EIF3M: variants seen among roughly 807,000 people sequenced by gnomAD.
EIF3M encodes the protein B5 receptor.
EIF3M carries 25 observed loss-of-function variants against 49.7 expected under a neutral mutation model. That is an observed-to-expected ratio of 0.50 (90% CI 0.37 to 0.70). The LOEUF (loss-of-function observed/expected upper bound fraction) is 0.70, where lower values mean the gene tolerates loss of function less well. Among genes scored for constraint, EIF3M ranks in the 30% least tolerant of loss-of-function variants. EIF3M has a pLI of 0.00. For missense variants in EIF3M, 350 were observed against 440.0 expected (o/e 0.80, Z 1.83); for synonymous variants, 156 against 149.8 (o/e 1.04, Z -0.30).
In EIF3M at chr11:32,583,933, T is replaced by A. The variant is rs750687108; in HGVS notation, c.42+4T>A. The A allele has an allele frequency of 3.1e-6, 5 of 1,612,166 alleles. No individual in the cohort carries two copies. In the Admixed American group the frequency reaches 5.0e-5, roughly 16 times the overall value. ...CGACATCAGTGAAGAAGATCAGGTG[T>A]GCTTCGGTCTACGGGTGCCGCCACG... On this transcript the variant is annotated splice_donor_region_variant and intron_variant, in intron 1 of 10. Coordinates refer to ENST00000531120, the MANE Select transcript of EIF3M (RefSeq NM_006360.6).
chr11:32,590,689 TGTTGAGAGTTG>T (rs1565047530), intron 5 of EIF3M, among the ~76,000 whole-genome samples: 1 of 152,210 alleles, frequency 6.6e-6, no homozygotes. Flanking sequence ...CCAATCTAAA[TGTTGAGAGTTG>T]GTTTTCTTCT....
intron 7 of EIF3M, 117 bp from the exon 8 acceptor site, chr11:32,595,849 C>A: frequency 1.3e-6 from 1 of 743,822 alleles, no homozygotes; most frequent in South Asian, 1.9e-5. Flanking sequence ...ATATTTCTGC[C>A]TTGAACAAAA....
At chr11:32,601,875 A>T in intron 10 of EIF3M, 53 bp downstream of exon 10, 1 of 1,569,922 alleles carries the variant, frequency 6.4e-7, no homozygotes, top group Non-Finnish European at 8.7e-7. Context: ...GTTTGTTCCG[A>T]TTATTTCACT....
At chr11:32,594,176 G>T (rs891312750) in intron 6 of EIF3M, 3 of 331,830 alleles carry the variant, frequency 9.0e-6, no homozygotes, top group Non-Finnish European at 1.6e-5. Flanking sequence ...TGGCGGGGGG[G>T]GTATTGCTGG....
rs977814489 is a variant in EIF3M, at chr11:32,584,179, T to G, written c.42+250T>G. ...CCTGGTCGGCGTCGGGACTCATTTC[T>G]GACGACATAGTACTTTTAGACTGAT... On this transcript the variant is annotated intron_variant, in intron 1 of 10. Coordinates refer to ENST00000531120, the MANE Select transcript of EIF3M (RefSeq NM_006360.6). The G allele has an allele frequency of 5.2e-6, 3 of 575,524 alleles. No individual in the cohort carries two copies. The African/African-American group carries it at 5.8e-5, about 11-fold the overall frequency. 35.7% of individuals were successfully genotyped at this position (575,524 alleles called of 1,614,324 possible). A position where few individuals can be genotyped will look rare whatever the true frequency, so the allele number is the denominator to read the frequency against.
chr11:32,590,881 T>C (rs1055480243), intron 5 of EIF3M, among the ~76,000 whole-genome samples: 4 of 151,968 alleles, frequency 2.6e-5, no homozygotes, highest in African/African-American at 9.7e-5. Flanking sequence ...GATGGAGTCT[T>C]GCTCTGTCGC....
intron 8 of EIF3M, among the ~76,000 whole-genome samples, chr11:32,597,926 C>T (rs1165822434): frequency 6.6e-6 from 1 of 152,034 alleles, no homozygotes; most frequent in Non-Finnish European, 1.5e-5. Flanking sequence ...TGCTTGTCAC[C>T]TGTAAATTGT....
At position 32,587,159 on chromosome 11, in the gene EIF3M, T is replaced by C. The variant is rs140651663; in HGVS notation, c.175+15T>C. 2.2e-4 allele frequency: 336 copies of C among 1,548,088 alleles called. 2 individuals carry two copies. The African/African-American group carries it at 4.5e-3, about 21-fold the overall frequency. On this transcript the variant is annotated intron_variant, in intron 2 of 10. Coordinates refer to ENST00000531120, the MANE Select transcript of EIF3M (RefSeq NM_006360.6). ...GGATGATAAAGGTTTGTTTTTAATT[T>C]TTTTCTAATATTTCCTAATAAAATC...
At chr11:32,598,176 C>A (rs553623804) in intron 8 of EIF3M, among the ~76,000 whole-genome samples, 2 of 152,246 alleles carry the variant, frequency 1.3e-5, no homozygotes, top group Admixed American at 1.3e-4. Context: ...GTAATTAACA[C>A]TTTGACACTC....
In EIF3M at chr11:32,602,932, C is replaced by T; in HGVS notation, c.*533C>T. 1 of 1,613,400 alleles carries T rather than the reference C, an allele frequency of 6.2e-7. No homozygotes were observed. The highest frequency in any genetic ancestry group is 8.5e-7 in the Non-Finnish European group (1 of 1,179,594). On this transcript the variant is annotated 3_prime_UTR_variant, in exon 11 of 11. Transcript: ENST00000531120. The stretch of plus-strand genomic sequence containing the variant: ...TAGTTGATTCGTAATGAGGCTCTGC[C>T]AGTCATCATCACCAGAAGTATTTTT...
At chr11:32,596,457 C>T (rs201859) in intron 8 of EIF3M, among the ~76,000 whole-genome samples, 18 of 151,834 alleles carry the variant, frequency 1.2e-4, no homozygotes, top group African/African-American at 4.1e-4. Flanking sequence ...TAGCCGGGCG[C>T]GGTGGCGGGT....
chr11:32,594,706 A>T (rs1855153114), intron 6 of EIF3M: 1 of 396,184 alleles, frequency 2.5e-6, no homozygotes, highest in Non-Finnish European at 4.5e-6. Flanking sequence ...TTTTATCTAC[A>T]ATTAATATAT....
chr11:32,600,336 A>G (rs1349066747), intron 8 of EIF3M, among the ~76,000 whole-genome samples: 1 of 151,648 alleles, frequency 6.6e-6, no homozygotes, highest in African/African-American at 2.4e-5. Flanking sequence ...CTAAATAGAA[A>G]TTGTTCTTAT....
Position 32,605,717 on chromosome 11 carries a change from A to G in EIF3M, c.*3318A>G, listed in dbSNP as rs771998408. ...GATTGGCTTTAGAGAAACAAGATAC[A>G]GTGTAGATTAGCTAATGTTTGCGCT... On this transcript the variant is annotated 3_prime_UTR_variant, in exon 11 of 11. Transcript: ENST00000531120. 1 of 152,208 alleles carries G rather than the reference A, an allele frequency of 6.6e-6. No individual in the cohort carries two copies. The highest frequency in any genetic ancestry group is 1.5e-5 in the Non-Finnish European group (1 of 68,034). The allele number at this position is 152,208 out of a possible 1,614,324, so 9.4% of individuals were successfully genotyped here. A position where few individuals can be genotyped will look rare whatever the true frequency, so the allele number is the denominator to read the frequency against.
In EIF3M at chr11:32,602,206, A is replaced by C. The variant is rs1184155974; in HGVS notation, c.1005-73A>C. Reference sequence around the variant, plus strand: ...TAATCTTGCTTTTAACTGGATTCAAATCTGTAGTATTATAAAAGAATACCA... The same window carrying C: ...TAATCTTGCTTTTAACTGGATTCAACTCTGTAGTATTATAAAAGAATACCA... On this transcript the variant is annotated intron_variant, in intron 10 of 10. Coordinates refer to ENST00000531120, the MANE Select transcript of EIF3M (RefSeq NM_006360.6). The C allele has an allele frequency of 3.8e-6, 6 of 1,571,276 alleles. No individual in the cohort carries two copies. The East Asian group carries it at 1.4e-4, about 35-fold the overall frequency.
rs184975960 is a variant in EIF3M at position 32,589,238 on chromosome 11, G to A, written c.438+103G>A. 284 of 1,497,638 alleles carry A rather than the reference G, an allele frequency of 1.9e-4. No homozygotes were observed. The African/African-American group carries it at 3.3e-3, about 17-fold the overall frequency. The allele number at this position is 1,497,638 out of a possible 1,614,324, so 92.8% of individuals were successfully genotyped here. A position where few individuals can be genotyped will look rare whatever the true frequency, so the allele number is the denominator to read the frequency against. ...GTTGCCCAGGCTGGAGTGCAATGGCGCAATCTCAGCTCACCGCAACCTCCG... is the reference window on the plus strand; with the variant it reads ...GTTGCCCAGGCTGGAGTGCAATGGCACAATCTCAGCTCACCGCAACCTCCG... On this transcript the variant is annotated intron_variant, in intron 4 of 10. Coordinates refer to ENST00000531120, the MANE Select transcript of EIF3M (RefSeq NM_006360.6).
At chr11:32,593,767 G>T (rs1025765305) in intron 5 of EIF3M, 99 bp from the exon 6 acceptor site, 3 of 741,710 alleles carry the variant, frequency 4.0e-6, no homozygotes, top group Non-Finnish European at 3.9e-6. Context: ...CTTAGTCACC[G>T]TTATAATGTC....
intron 1 of EIF3M, chr11:32,584,140 T>A (rs1472692555): frequency 1.6e-6 from 1 of 606,116 alleles, no homozygotes; most frequent in African/African-American, 1.9e-5. Flanking sequence ...GGCCCGACGC[T>A]TCACCGCCAG....
At chr11:32,588,344 G>A (rs547214574) in intron 2 of EIF3M, among the ~76,000 whole-genome samples, 8 of 138,684 alleles carry the variant, frequency 5.8e-5, no homozygotes, top group Admixed American at 3.2e-4. Context: ...AGCCGAGATC[G>A]CACCACTGCA....
Sources: allele counts gnomAD v4.1 joint callset (sites outside exome capture counted in the v4.1 genomes callset), GRCh38; gene constraint gnomAD v4.1.1; transcripts MANE v1.5; gene names NCBI Gene and HGNC (gene_info 2026-07-23, HGNC 2026-07-21).